Variants in OR10A2 observed in about 807,000 individuals in gnomAD.
The protein encoded by OR10A2 is olfactory receptor family 10 subfamily A member 2, also known as olfactory receptor 10A2.
Under a neutral mutation model 13.7 loss-of-function variants are expected in OR10A2, and 15 were observed. The observed-to-expected ratio is 1.10, with a 90% confidence interval of 0.73 to 1.69. The LOEUF is 1.69. OR10A2 is among the 40% of genes most tolerant of loss of function. OR10A2 has a pLI of 0.00. For synonymous variants in OR10A2, 145 were observed against 144.7 expected, an observed-to-expected ratio of 1.00 and a Z score of -0.02; for missense variants, 343 against 361.1, an observed-to-expected ratio of 0.95 and a Z score of 0.41.
Position 6,869,738 on chromosome 11 carries a change from T to A in OR10A2, c.-17T>A, listed in dbSNP as rs1202962447. The A allele has an allele frequency of 1.6e-5, 25 of 1,607,970 alleles. No homozygotes were observed. The highest frequency in any genetic ancestry group is 2.0e-5 in the Non-Finnish European group (24 of 1,175,116). Reference sequence around the variant, plus strand: ...ATAGCTACAGGAAACTGGACAAGAATAAGTGAGTTTATCCTCATGAGCTTC... The same window carrying A: ...ATAGCTACAGGAAACTGGACAAGAAAAAGTGAGTTTATCCTCATGAGCTTC... On this transcript the variant is annotated 5_prime_UTR_variant, in exon 2 of 2. Coordinates refer to ENST00000641461, the MANE Select transcript of OR10A2 (RefSeq NM_001004460.2).
rs1183472811 is a variant in OR10A2, at chr11:6,869,634, C to T, written c.-121C>T. The T allele has an allele frequency of 5.4e-6, 5 of 923,836 alleles. No individual in the cohort carries two copies. The highest frequency in any genetic ancestry group is 8.5e-6 in the Non-Finnish European group (5 of 591,022). 57.2% of individuals were successfully genotyped at this position (923,836 alleles called of 1,614,324 possible). On this transcript the variant is annotated 5_prime_UTR_variant, in exon 2 of 2. Transcript: ENST00000641461. Reference sequence around the variant, plus strand: ...TCTTTCCCTGACAGTAAGAACGAGTCTGAAAAACAAATTGAGAATCTGACT... The same window carrying T: ...TCTTTCCCTGACAGTAAGAACGAGTTTGAAAAACAAATTGAGAATCTGACT...
In OR10A2 at chr11:6,871,650, T is replaced by C. The variant is rs573857234; in HGVS notation, c.*984T>C. 9.2e-5 allele frequency: 14 copies of C among 152,320 alleles called. No individual in the cohort carries two copies. In the South Asian group the frequency reaches 2.5e-3, roughly 27 times the overall value. The allele number at this position is 152,320 out of a possible 1,614,324, so 9.4% of individuals were successfully genotyped here. On this transcript the variant is annotated 3_prime_UTR_variant, in exon 2 of 2. Transcript: ENST00000641461. ...TCCATATTCAGGTTCTTATGTTTTG[T>C]TGAAGTAATATCGTAAATTTCAGTC...
chr11:6,864,941 C>T (rs4293098), intron 1 of OR10A2, among the ~76,000 whole-genome samples: 47,683 of 145,598 alleles, frequency 0.33, 8,299 homozygotes, highest in South Asian at 0.41. Context: ...TATATTTATA[C>T]TCATAAATAT....
rs1215662688 is a variant in OR10A2, at chr11:6,870,990, A to C, written c.*324A>C. The C allele has an allele frequency of 4.9e-5, 7 of 141,444 alleles. No individual in the cohort carries two copies. Among genetic ancestry groups the C allele is most frequent in the Non-Finnish European group, 9.6e-5 (7 of 72,890 alleles). 8.8% of individuals were successfully genotyped at this position (141,444 alleles called of 1,614,324 possible). A position where few individuals can be genotyped will look rare whatever the true frequency, so the allele number is the denominator to read the frequency against. On this transcript the variant is annotated 3_prime_UTR_variant, in exon 2 of 2. Coordinates refer to ENST00000641461, the MANE Select transcript of OR10A2 (RefSeq NM_001004460.2). Reference sequence around the variant, plus strand: ...GAGACGGAGTCTCGCTCTGTCCCCCAGGCTGGAGTGCAGTGGCGCATCTCT... The same window carrying C: ...GAGACGGAGTCTCGCTCTGTCCCCCCGGCTGGAGTGCAGTGGCGCATCTCT...
intron 1 of OR10A2, among the ~76,000 whole-genome samples, chr11:6,863,951 C>T (rs1487855521): frequency 6.6e-6 from 1 of 152,196 alleles, no homozygotes; most frequent in African/African-American, 2.4e-5. Context: ...TTTGTTAAAA[C>T]ATTATAAGAT....
In OR10A2 at chr11:6,872,054, T is replaced by C. The variant is rs1460029711; in HGVS notation, c.*1388T>C. 1 of 152,190 alleles carries C rather than the reference T, an allele frequency of 6.6e-6. No homozygotes were observed. Among genetic ancestry groups the C allele is most frequent in the Non-Finnish European group, 1.5e-5 (1 of 68,040 alleles). 9.4% of individuals were successfully genotyped at this position (152,190 alleles called of 1,614,324 possible). A position where few individuals can be genotyped will look rare whatever the true frequency, so the allele number is the denominator to read the frequency against. On this transcript the variant is annotated 3_prime_UTR_variant, in exon 2 of 2. Coordinates refer to ENST00000641461, the MANE Select transcript of OR10A2 (RefSeq NM_001004460.2). ...CAACAATAACATTTCTCATGAAATATTTAGAATTTCGATTATTTAATATTT... is the reference window on the plus strand; with the variant it reads ...CAACAATAACATTTCTCATGAAATACTTAGAATTTCGATTATTTAATATTT...
At chr11:6,863,620 G>A (rs1372047322) in intron 1 of OR10A2, among the ~76,000 whole-genome samples, 1 of 152,064 alleles carries the variant, frequency 6.6e-6, no homozygotes, top group Non-Finnish European at 1.5e-5. Flanking sequence ...AAAGTTTTCT[G>A]AGTCAGGAAG....
chr11:6,865,112 T>TATATTTAC (rs1326583738), intron 1 of OR10A2, among the ~76,000 whole-genome samples: 2 of 142,436 alleles, frequency 1.4e-5, no homozygotes, highest in East Asian at 3.9e-4. Flanking sequence ...TATATATTTA[T>TATATTTAC]ATATTTTCAT....
In OR10A2 at chr11:6,870,152, C is replaced by T. The variant is rs1848414654; in HGVS notation, c.398C>T (p.Ala133Val). Residue 133 changes from alanine (A) to valine (V), a missense_variant, in exon 2 of 2, where the codon GCT becomes GTT. Transcript: ENST00000641461. ...MNQRTRAKLA[A>V]ASWFPGFPVA... ...CAAAGGACTCGTGCCAAACTGGCTG[C>T]TGCCTCCTGGTTCCCAGGCTTTCCT... 1.2e-6 allele frequency: 2 copies of T among 1,614,240 alleles called. No individual in the cohort carries two copies. The highest frequency in any genetic ancestry group is 1.7e-6 in the Non-Finnish European group (2 of 1,180,052).
rs186167595 is a variant in OR10A2 at position 6,874,037 on chromosome 11, A to G, written c.*3371A>G. On this transcript the variant is annotated 3_prime_UTR_variant, in exon 2 of 2. Coordinates refer to ENST00000641461, the MANE Select transcript of OR10A2 (RefSeq NM_001004460.2). ...GTGGTGCCATTTACTGAAATGGGGT[A>G]TCTACAAAGAGGAGGTTTGAGGTGG... 1.3e-5 allele frequency: 2 copies of G among 152,352 alleles called. No homozygotes were observed. 9.4% of individuals were successfully genotyped at this position (152,352 alleles called of 1,614,324 possible).
rs776615155 is a variant in OR10A2 at position 6,870,377 on chromosome 11, T to C, written c.623T>C (p.Ile208Thr). 40 of 1,614,102 alleles carry C rather than the reference T, an allele frequency of 2.5e-5. No individual in the cohort carries two copies. Among genetic ancestry groups the C allele is most frequent in the Middle Eastern group, 1.6e-4 (1 of 6,084 alleles). The change falls in exon 2 of 2, where the codon ATT becomes ACT. Residue 208 changes from isoleucine to threonine, a missense_variant. By Grantham distance (89) the Ile-to-Thr change is moderately conservative. Coordinates refer to ENST00000641461, the MANE Select transcript of OR10A2 (RefSeq NM_001004460.2). ...CTGATCTTGTGTTCCTATACTCACA[T>C]TGCTGCTGCCATCCTCAAGATCCCA... is the stretch of plus-strand genomic sequence containing the variant. Reference protein sequence around the residue: ...CLLILCSYTHIAAAILKIPSA... With the variant: ...CLLILCSYTHTAAAILKIPSA...
In OR10A2 at chr11:6,869,636, GA is replaced by G. The variant is rs1848407807; in HGVS notation, c.-114del. 1 of 959,254 alleles carries G rather than the reference GA, an allele frequency of 1.0e-6. No individual in the cohort carries two copies. The highest frequency in any genetic ancestry group is 2.4e-5 in the East Asian group (1 of 41,758). The allele number at this position is 959,254 out of a possible 1,614,324, so 59.4% of individuals were successfully genotyped here. On this transcript the variant is annotated 5_prime_UTR_variant, in exon 2 of 2. The change creates a premature stop within an existing upstream ORF in the 5' untranslated region. Coordinates refer to ENST00000641461, the MANE Select transcript of OR10A2 (RefSeq NM_001004460.2). ...TTTCCCTGACAGTAAGAACGAGTCT[GA>G]AAAACAAATTGAGAATCTGACTTCC...
rs1281613360 is a variant in OR10A2, at chr11:6,871,629, T to C, written c.*963T>C. The C allele has an allele frequency of 6.6e-6, 1 of 152,194 alleles. No homozygotes were observed. The highest frequency in any genetic ancestry group is 1.5e-5 in the Non-Finnish European group (1 of 68,026). 9.4% of individuals were successfully genotyped at this position (152,194 alleles called of 1,614,324 possible). ...GAGCTTCCCTAAGATCTCTATTCCA[T>C]ATTCAGGTTCTTATGTTTTGTTGAA... On this transcript the variant is annotated 3_prime_UTR_variant, in exon 2 of 2. Coordinates refer to ENST00000641461, the MANE Select transcript of OR10A2 (RefSeq NM_001004460.2).
rs142169552 is a variant in OR10A2 at position 6,870,410 on chromosome 11, A to C, written c.656A>C (p.Lys219Thr). The C allele has an allele frequency of 3.3e-4, 534 of 1,614,178 alleles. 1 individual carries two copies. Among genetic ancestry groups the C allele is most frequent in the Non-Finnish European group, 3.8e-4 (454 of 1,180,042 alleles). ...AAAILKIPSAKGKNKAFSTCS... is the reference protein window; with the variant it reads ...AAAILKIPSATGKNKAFSTCS... ...GCCATCCTCAAGATCCCATCAGCTA[A>C]AGGGAAGAATAAAGCCTTTTCTACA... is the stretch of plus-strand genomic sequence containing the variant. The change falls in exon 2 of 2, where the codon AAA becomes ACA. Residue 219 changes from lysine (K) to threonine (T), a missense_variant. Physicochemically the swap from Lys to Thr is moderately conservative, Grantham distance 78. Coordinates refer to ENST00000641461, the MANE Select transcript of OR10A2 (RefSeq NM_001004460.2).
At position 6,870,688 on chromosome 11, in the gene OR10A2, T is replaced by C; in HGVS notation, c.*22T>C. The C allele has an allele frequency of 6.7e-7, 1 of 1,490,586 alleles. No homozygotes were observed. The highest frequency in any genetic ancestry group is 9.0e-7 in the Non-Finnish European group (1 of 1,108,240). 92.3% of individuals were successfully genotyped at this position (1,490,586 alleles called of 1,614,324 possible). On this transcript the variant is annotated 3_prime_UTR_variant, in exon 2 of 2. Transcript: ENST00000641461. ...ATAGACCTTAGGAAGTAAGGCTACA[T>C]TTTACTGGATGAGAAACAATCAGTC...
rs146451458 is a variant in OR10A2, at chr11:6,870,144, A to C, written c.390A>C (p.Lys130Asn). 3.7e-6 allele frequency: 6 copies of C among 1,614,084 alleles called. No homozygotes were observed. The African/African-American group carries it at 6.7e-5, about 18-fold the overall frequency. The change falls in exon 2 of 2, where the codon AAA becomes AAC. Residue 130 changes from lysine (K) to asparagine (N), a missense_variant. Lys to Asn is a moderately conservative substitution (Grantham distance 94). Transcript: ENST00000641461. ...TCATGAACCAAAGGACTCGTGCCAA[A>C]CTGGCTGCTGCCTCCTGGTTCCCAG... is the stretch of plus-strand genomic sequence containing the variant. ...PVIMNQRTRA[K>N]LAAASWFPGF...
Position 6,870,760 on chromosome 11 carries a change from T to TG in OR10A2, c.*95dup. ...GCATCTTTCCACATCTCCAATAAGA[T>TG]GAAGTCCTGTTGCTGAAATGGCTTT... On this transcript the variant is annotated 3_prime_UTR_variant, in exon 2 of 2. Transcript: ENST00000641461. 9.5e-7 allele frequency: 1 copy of TG among 1,047,920 alleles called. No homozygotes were observed. Among genetic ancestry groups the TG allele is most frequent in the Non-Finnish European group, 1.4e-6 (1 of 719,608 alleles). 64.9% of individuals were successfully genotyped at this position (1,047,920 alleles called of 1,614,324 possible).
rs543748707 is a variant in OR10A2 at position 6,867,748 on chromosome 11, C to CT, written c.-132-1866dup. ...AAGAGAGTTTCTATTTTTTACTTTA[C>CT]TTTTTTTTTCTTTTTTGTTGAGACT... On this transcript the variant is annotated intron_variant, in intron 1 of 1. Coordinates refer to ENST00000641461, the MANE Select transcript of OR10A2 (RefSeq NM_001004460.2). Among the ~76,000 whole-genome samples the CT allele has an allele frequency of 4.9e-3, 749 of 151,452 alleles. 7 individuals are homozygous for CT. Among genetic ancestry groups the CT allele is most frequent in the Middle Eastern group, 0.027 (8 of 294 alleles).
At position 6,874,425 on chromosome 11, in the gene OR10A2, T is replaced by C. The variant is rs1356007113; in HGVS notation, c.*3759T>C. The C allele has an allele frequency of 2.0e-5, 3 of 152,214 alleles. No homozygotes were observed. The highest frequency in any genetic ancestry group is 7.2e-5 in the African/African-American group (3 of 41,450). The allele number at this position is 152,214 out of a possible 1,614,324, so 9.4% of individuals were successfully genotyped here. ...TATTCCAGTTCTCCAATGTTACTAATATATTGAAATTTTCTGCCCATCTTT... is the reference window on the plus strand; with the variant it reads ...TATTCCAGTTCTCCAATGTTACTAACATATTGAAATTTTCTGCCCATCTTT... On this transcript the variant is annotated 3_prime_UTR_variant, in exon 2 of 2. Transcript: ENST00000641461.
Sources: gnomAD v4.1 joint callset for allele counts (sites outside exome capture counted in the v4.1 genomes callset) on GRCh38, gnomAD v4.1.1 for gene constraint, MANE v1.5 for transcripts, NCBI Gene and HGNC (gene_info 2026-07-23, HGNC 2026-07-21) for gene names.